VDAC1: variants seen among roughly 807,000 people sequenced by gnomAD.
VDAC1 encodes the protein voltage dependent anion channel 1.
In VDAC1, 10 loss-of-function variants were observed where a neutral mutation model predicts 34.7. The observed-to-expected ratio is 0.29, with a 90% CI of 0.18 to 0.49. VDAC1 has a LOEUF of 0.49. Ranked by LOEUF, VDAC1 falls within the 20% of genes least tolerant of loss-of-function variation. The probability of loss-of-function intolerance (pLI) is 0.99; values close to 1 mark genes in which losing one functional copy is unlikely to be tolerated. For missense variants in VDAC1, 230 were observed against 347.9 expected, an observed-to-expected ratio of 0.66 and a Z score of 2.69; for synonymous variants, 130 against 136.0, an observed-to-expected ratio of 0.96 and a Z score of 0.30.
At chr5:134,107,182 G>A in the VDAC1 span, among the ~76,000 whole-genome samples, 1 of 152,192 alleles carries the variant, frequency 6.6e-6, no homozygotes, top group Admixed American at 6.5e-5. Context: ...GCTCAACCGG[G>A]CCAAGTGATG....
chr5:133,986,131 G>C (rs1024002522), intron 5 of VDAC1, among the ~76,000 whole-genome samples: 2 of 152,232 alleles, frequency 1.3e-5, no homozygotes, highest in African/African-American at 2.4e-5. Flanking sequence ...AATTTGACAA[G>C]CACCCGAGAG....
the VDAC1 span, among the ~76,000 whole-genome samples, chr5:134,019,368 AG>A: frequency 2.6e-5 from 4 of 152,140 alleles, no homozygotes; most frequent in African/African-American, 9.7e-5. Context: ...GCTTGAGCCC[AG>A]GAGTTCAGGA....
At chr5:134,012,616 C>G in the VDAC1 span, among the ~76,000 whole-genome samples, 17 of 152,254 alleles carry the variant, frequency 1.1e-4, 1 homozygote, top group South Asian at 3.1e-3. Context: ...GAAAAACACT[C>G]CATGCTCATG....
chr5:133,974,479 A>G (rs192316685), intron 7 of VDAC1, among the ~76,000 whole-genome samples: 9 of 152,338 alleles, frequency 5.9e-5, no homozygotes, highest in Admixed American at 2.6e-4. Context: ...GGAATTATCA[A>G]TTAGAACCCT....
Position 133,973,726 on chromosome 5 carries a change from T to A in VDAC1, c.760+65A>T, listed in dbSNP as rs556631319. Reference sequence around the variant, plus strand: ...AACATTTTATAAGCAATGACATAAATCAGCAAACCAGCACCACAATTTTTT... The same window carrying A: ...AACATTTTATAAGCAATGACATAAAACAGCAAACCAGCACCACAATTTTTT... On this transcript the variant is annotated intron_variant, in intron 8 of 8. Coordinates refer to ENST00000265333, the MANE Select transcript of VDAC1 (RefSeq NM_003374.3). The A allele has an allele frequency of 1.6e-5, 24 of 1,471,178 alleles. No homozygotes were observed. In the South Asian group the frequency reaches 2.9e-4, roughly 17 times the overall value. 91.1% of individuals were successfully genotyped at this position (1,471,178 alleles called of 1,614,324 possible).
the VDAC1 span, among the ~76,000 whole-genome samples, chr5:134,027,767 C>CTTT: frequency 2.7e-4 from 32 of 120,650 alleles, no homozygotes; most frequent in East Asian, 4.9e-4. Context: ...ATCTTGCCTA[C>CTTT]TTTTTTTTTT....
chr5:134,108,862 C>T, the VDAC1 span, among the ~76,000 whole-genome samples: 1 of 152,190 alleles, frequency 6.6e-6, no homozygotes, highest in African/African-American at 2.4e-5. Flanking sequence ...CAGAGTGTGG[C>T]TTACTGCCCC....
the VDAC1 span, among the ~76,000 whole-genome samples, chr5:134,069,016 G>A: frequency 1.0e-4 from 15 of 148,266 alleles, no homozygotes; most frequent in East Asian, 9.9e-4. Flanking sequence ...GTGTGTTCAC[G>A]TGCGCCTTTT....
the VDAC1 span, among the ~76,000 whole-genome samples, chr5:134,031,707 T>C: frequency 6.6e-6 from 1 of 152,020 alleles, no homozygotes; most frequent in East Asian, 1.9e-4. Flanking sequence ...TCCCAGCACT[T>C]TGGGAGGCTG....
At chr5:134,060,584 T>A in the VDAC1 span, among the ~76,000 whole-genome samples, 1 of 151,902 alleles carries the variant, frequency 6.6e-6, no homozygotes, top group Non-Finnish European at 1.5e-5. Context: ...AACCCTATTT[T>A]AAAATATCAA....
At chr5:134,078,424 A>G in the VDAC1 span, among the ~76,000 whole-genome samples, 1 of 151,476 alleles carries the variant, frequency 6.6e-6, no homozygotes, top group South Asian at 2.1e-4. Context: ...AGCACTACAC[A>G]AGGCCCAGGA....
chr5:133,990,094 T>C (rs768788886), intron 5 of VDAC1, among the ~76,000 whole-genome samples: 1 of 152,260 alleles, frequency 6.6e-6, no homozygotes, highest in Non-Finnish European at 1.5e-5. Flanking sequence ...AAGGGAATAA[T>C]TCCTTCTAGG....
the VDAC1 span, among the ~76,000 whole-genome samples, chr5:134,024,688 CTGGGCAGCTG>C: frequency 6.6e-6 from 1 of 152,180 alleles, no homozygotes; most frequent in African/African-American, 2.4e-5. Context: ...TCACATTTCA[CTGGGCAGCTG>C]TGCTGCCCTC....
At chr5:134,058,694 A>C in the VDAC1 span, among the ~76,000 whole-genome samples, 1 of 152,086 alleles carries the variant, frequency 6.6e-6, no homozygotes, top group South Asian at 2.1e-4. Context: ...TGCAAACTGC[A>C]TTCTAATCAG....
chr5:134,067,428 TAAAAAAAA>T, the VDAC1 span, among the ~76,000 whole-genome samples: 1 of 96,826 alleles, frequency 1.0e-5, no homozygotes, highest in Non-Finnish European at 2.0e-5. Context: ...TTACATATTC[TAAAAAAAA>T]AAAAAAAAAA....
At chr5:134,028,853 T>C in the VDAC1 span, among the ~76,000 whole-genome samples, 1 of 152,188 alleles carries the variant, frequency 6.6e-6, no homozygotes, top group East Asian at 1.9e-4. Context: ...TATGTCCACA[T>C]ATTCTTTGAC....
chr5:133,982,682 G>A (rs1411870864), intron 5 of VDAC1, among the ~76,000 whole-genome samples: 1 of 151,028 alleles, frequency 6.6e-6, no homozygotes, highest in African/African-American at 2.4e-5. Flanking sequence ...CTGAGGTCAG[G>A]AGTTCAAGGC....
chr5:134,108,119 C>T, the VDAC1 span, among the ~76,000 whole-genome samples: 9 of 152,118 alleles, frequency 5.9e-5, no homozygotes, highest in Middle Eastern at 3.4e-3. Context: ...CCTGGGGAGG[C>T]GGGGAGGCTT....
intron 1 of VDAC1, among the ~76,000 whole-genome samples, chr5:133,999,402 A>G (rs1160036983): frequency 6.6e-6 from 1 of 152,190 alleles, no homozygotes; most frequent in Non-Finnish European, 1.5e-5. Flanking sequence ...TGGCAGTAAT[A>G]ACCATAATCC....
Sources: gnomAD v4.1 joint callset for allele counts (sites outside exome capture counted in the v4.1 genomes callset) on GRCh38, gnomAD v4.1.1 for gene constraint, MANE v1.5 for transcripts, NCBI Gene and HGNC (gene_info 2026-07-23, HGNC 2026-07-21) for gene names.